Variants in CHRNA9 observed in about 807,000 individuals in gnomAD.
The protein encoded by CHRNA9 is neuronal acetylcholine receptor subunit alpha-9.
Under a neutral mutation model 36.8 loss-of-function variants are expected in CHRNA9, and 24 were observed. The observed-to-expected ratio is 0.65, with a 90% CI of 0.47 to 0.92. The LOEUF (loss-of-function observed/expected upper bound fraction) is 0.92. Among genes scored for constraint, CHRNA9 ranks in the 40% least tolerant of loss-of-function variants. The pLI is 0.00. For missense variants in CHRNA9, 610 were observed against 601.2 expected (o/e 1.01, Z -0.15); for synonymous variants, 231 against 231.8 (o/e 1.00, Z 0.03).
intron 3 of CHRNA9, among the ~76,000 whole-genome samples, chr4:40,341,683 C>G (rs1560316137): frequency 6.6e-6 from 1 of 152,200 alleles, no homozygotes; most frequent in Non-Finnish European, 1.5e-5. Flanking sequence ...CATACCCACT[C>G]TGTGGAGTGT....
At chr4:40,336,870 A>G (rs1181415532) in intron 2 of CHRNA9, among the ~76,000 whole-genome samples, 2 of 152,344 alleles carry the variant, frequency 1.3e-5, no homozygotes, top group East Asian at 3.9e-4. Flanking sequence ...ATGAAACTTG[A>G]AAGATTTTCC....
chr4:40,339,662 C>CAAA (rs756343215), intron 3 of CHRNA9, among the ~76,000 whole-genome samples: 1,485 of 94,062 alleles, frequency 0.016, 73 homozygotes, highest in African/African-American at 0.061. Flanking sequence ...GACTCTATCT[C>CAAA]AAAAAAAAAA....
chr4:40,354,095 G>T lies in CHRNA9; in HGVS notation c.1015G>T (p.Val339Leu). The T allele has an allele frequency of 6.2e-7, 1 of 1,614,230 alleles. No individual in the cohort carries two copies. The highest frequency in any genetic ancestry group is 2.2e-5 in the East Asian group (1 of 44,886). The change falls in exon 5 of 5, where the codon GTG becomes TTG. Residue 339 changes from valine (V) to leucine (L), a missense_variant. Physicochemically the swap from Val to Leu is conservative, Grantham distance 32. Coordinates refer to ENST00000310169, the MANE Select transcript of CHRNA9 (RefSeq NM_017581.4). ...CCGGCCGGTGCCACACTGGGCCAGG[G>T]TGGTCATCCTGAAATACATGTCCAG... Reference protein sequence around the residue: ...EARPVPHWARVVILKYMSRVL... With the variant: ...EARPVPHWARLVILKYMSRVL...
At chr4:40,345,921 A>G (rs1712625363) in intron 3 of CHRNA9, among the ~76,000 whole-genome samples, 1 of 152,202 alleles carries the variant, frequency 6.6e-6, no homozygotes, top group African/African-American at 2.4e-5. Flanking sequence ...GCTACTCAGG[A>G]GGCTAAGGCA....
At chr4:40,336,498 A>T (rs1712323017) in intron 2 of CHRNA9, among the ~76,000 whole-genome samples, 1 of 151,742 alleles carries the variant, frequency 6.6e-6, no homozygotes, top group Non-Finnish European at 1.5e-5. Context: ...TTTTTTTTTG[A>T]GACGGAGTCT....
chr4:40,348,877 T>C lies in CHRNA9; in HGVS notation c.366-5T>C. The C allele has an allele frequency of 6.2e-7, 1 of 1,610,208 alleles. No individual in the cohort carries two copies. Among genetic ancestry groups the C allele is most frequent in the Non-Finnish European group, 8.5e-7 (1 of 1,176,632 alleles). ...CGGCTTTCATTTTCCTTATCTGACC[T>C]TCAGGGCTGATGATGAATCTTCAGA... On this transcript the variant is annotated splice_polypyrimidine_tract_variant and splice_region_variant and intron_variant, in intron 3 of 4. Coordinates refer to ENST00000310169, the MANE Select transcript of CHRNA9 (RefSeq NM_017581.4).
intron 3 of CHRNA9, among the ~76,000 whole-genome samples, chr4:40,341,197 A>T (rs1004565342): frequency 1.3e-5 from 2 of 152,082 alleles, no homozygotes; most frequent in African/African-American, 4.8e-5. Context: ...AGGATTCCTG[A>T]CATTTTTAGA....
At chr4:40,349,496 ACTTG>A in intron 4 of CHRNA9, 82 bp downstream of exon 4, 1 of 1,382,928 alleles carries the variant, frequency 7.2e-7, no homozygotes, top group Admixed American at 2.3e-5. Context: ...GTGCCTTTAA[ACTTG>A]AAAAAATGGA....
intron 3 of CHRNA9, among the ~76,000 whole-genome samples, chr4:40,343,873 G>A (rs1195797645): frequency 1.3e-5 from 2 of 152,184 alleles, no homozygotes; most frequent in Non-Finnish European, 2.9e-5. Flanking sequence ...CCCCCTTAAA[G>A]ATGTCCACAT....
chr4:40,353,971 A>C lies in CHRNA9; in HGVS notation c.899-8A>C, dbSNP rs763032982. 32 of 1,572,820 alleles carry C rather than the reference A, an allele frequency of 2.0e-5. No individual in the cohort carries two copies. In the Admixed American group the frequency reaches 6.0e-4, roughly 29 times the overall value. ...CAAATTCAGTTACGGTTGTTATTTT[A>C]ATTCCAGGTAAATACTACATAGCCA... is the stretch of plus-strand genomic sequence containing the variant. On this transcript the variant is annotated splice_polypyrimidine_tract_variant and splice_region_variant and intron_variant, in intron 4 of 4. Transcript: ENST00000310169.
intron 3 of CHRNA9, among the ~76,000 whole-genome samples, chr4:40,345,573 G>A (rs573354044): frequency 1.4e-4 from 22 of 151,978 alleles, no homozygotes; most frequent in Non-Finnish European, 2.9e-4. Context: ...TTAGTTGGGC[G>A]TGGTGGTGCG....
chr4:40,339,291 A>G (rs1255580628), intron 3 of CHRNA9, among the ~76,000 whole-genome samples: 1 of 150,694 alleles, frequency 6.6e-6, no homozygotes, highest in East Asian at 1.9e-4. Flanking sequence ...AAAAAAAAAA[A>G]AAAAAAAAAA....
Position 40,354,401 on chromosome 4 carries a change from AC to A in CHRNA9, c.1323del (p.Asn442IlefsTer14). ...IAKCLKDHKA[T>X]NSKGSEWKKV... Reference sequence around the variant, plus strand: ...CAAGTGCCTCAAAGACCACAAGGCCACCAATTCCAAGGGGAGTGAATGGAAG... The same window carrying A: ...CAAGTGCCTCAAAGACCACAAGGCCACAATTCCAAGGGGAGTGAATGGAAG... On this transcript the variant is annotated frameshift_variant, in exon 5 of 5. Transcript: ENST00000310169. LOFTEE classifies it high-confidence loss of function. 6.2e-7 allele frequency: 1 copy of A among 1,614,166 alleles called. No individual in the cohort carries two copies. The highest frequency in any genetic ancestry group is 8.5e-7 in the Non-Finnish European group (1 of 1,179,978).
intron 3 of CHRNA9, among the ~76,000 whole-genome samples, chr4:40,340,215 C>T (rs1027973961): frequency 2.0e-5 from 3 of 152,180 alleles, no homozygotes; most frequent in African/African-American, 7.2e-5. Context: ...CTTCCCCACT[C>T]TCCACCCCTT....
chr4:40,341,923 A>G (rs1712511346), intron 3 of CHRNA9, among the ~76,000 whole-genome samples: 1 of 152,172 alleles, frequency 6.6e-6, no homozygotes, highest in Non-Finnish European at 1.5e-5. Flanking sequence ...AAACCTTTTT[A>G]TAGAGATGAG....
rs573888483 is a variant in CHRNA9 at position 40,344,382 on chromosome 4, A to G, written c.366-4500A>G. Among the ~76,000 whole-genome samples the G allele has an allele frequency of 1.5e-4, 23 of 152,234 alleles. No individual in the cohort carries two copies. The South Asian group carries it at 4.6e-3, about 30-fold the overall frequency. On this transcript the variant is annotated intron_variant, in intron 3 of 4. Transcript: ENST00000310169. ...TCCCGTCTCTACTAAAAATACAAAA[A>G]AATTAGCCAGATATGGTGGTGGGAG...
In CHRNA9 at chr4:40,354,086, T is replaced by A. The variant is rs1712879794; in HGVS notation, c.1006T>A (p.Trp336Arg). ...GGCCGAGGCCCGGCCGGTGCCACAC[T>A]GGGCCAGGGTGGTCATCCTGAAATA... ...CGAEARPVPHWARVVILKYMS... is the reference protein window; with the variant it reads ...CGAEARPVPHRARVVILKYMS... The change falls in exon 5 of 5, where the codon TGG (tryptophan) becomes AGG (arginine). Residue 336 changes from tryptophan to arginine, a missense_variant. By Grantham distance (101) the Trp-to-Arg change is moderately radical. Transcript: ENST00000310169. 2 of 1,614,198 alleles carry A rather than the reference T, an allele frequency of 1.2e-6. No homozygotes were observed. The highest frequency in any genetic ancestry group is 1.7e-6 in the Non-Finnish European group (2 of 1,180,034).
At chr4:40,339,831 G>GTT (rs144060870) in intron 3 of CHRNA9, among the ~76,000 whole-genome samples, 21,057 of 151,130 alleles carry the variant, frequency 0.14, 1,498 homozygotes, top group African/African-American at 0.16. Flanking sequence ...CCTAGTTATT[G>GTT]TTTTTTTTAA....
intron 3 of CHRNA9, 107 bp downstream of exon 3, chr4:40,337,471 TAATC>T: frequency 8.0e-7 from 1 of 1,250,106 alleles, no homozygotes. Flanking sequence ...AATTAAATAT[TAATC>T]CATGTTCCTA....
Sources: gnomAD v4.1 joint callset for allele counts (sites outside exome capture counted in the v4.1 genomes callset) on GRCh38, gnomAD v4.1.1 for gene constraint, MANE v1.5 for transcripts, NCBI Gene and HGNC (gene_info 2026-07-23, HGNC 2026-07-21) for gene names.